Variants in WFDC2 observed in about 807,000 individuals in gnomAD.
The protein encoded by WFDC2 is WAP four-disulfide core domain protein 2.
Under a neutral mutation model 12.5 loss-of-function variants are expected in WFDC2, and 8 were observed. The ratio of observed to expected loss-of-function variants is 0.64; its 90% confidence interval spans 0.37 to 1.15. The LOEUF (loss-of-function observed/expected upper bound fraction) is 1.15. Ranked by LOEUF, WFDC2 falls within the 50% of genes most tolerant of loss-of-function variation. The probability of loss-of-function intolerance (pLI) is 0.01; values close to 1 mark genes in which losing one functional copy is unlikely to be tolerated. For synonymous variants in WFDC2, 74 were observed against 67.2 expected, an observed-to-expected ratio of 1.10 and a Z score of -0.49; for missense variants, 166 against 159.9, an observed-to-expected ratio of 1.04 and a Z score of -0.21.
intron 1 of WFDC2, 125 bp downstream of exon 1, chr20:45,469,985 G>C: frequency 8.1e-7 from 1 of 1,237,494 alleles, no homozygotes. Flanking sequence ...GAAGTGGCGG[G>C]GACCCTTGGA....
chr20:45,473,697 T>C (rs2145503087), intron 2 of WFDC2, among the ~76,000 whole-genome samples: 1 of 152,348 alleles, frequency 6.6e-6, no homozygotes, highest in African/African-American at 2.4e-5. Context: ...AAATTTAAAG[T>C]CGTTTTTTCT....
In WFDC2 at chr20:45,479,683, A is replaced by C. The variant is rs141699144; in HGVS notation, c.224-259A>C. The C allele has an allele frequency of 7.6e-4, 1,223 of 1,613,972 alleles. 15 individuals are homozygous for C. In the East Asian group the frequency reaches 0.021, roughly 28 times the overall value. On this transcript the variant is annotated intron_variant, in intron 2 of 3. Transcript: ENST00000372676. ...CCTAAAGACACGGAGGCTCTGGGAGATTTCTGGCCCTAGGCCACGAAGGCC... is the reference window on the plus strand; with the variant it reads ...CCTAAAGACACGGAGGCTCTGGGAGCTTTCTGGCCCTAGGCCACGAAGGCC...
intron 2 of WFDC2, among the ~76,000 whole-genome samples, chr20:45,474,799 G>C (rs970597980): frequency 6.6e-6 from 1 of 152,134 alleles, no homozygotes; most frequent in Admixed American, 6.5e-5. Context: ...CTGTGAATCT[G>C]TCTGGTCCCA....
chr20:45,479,510 G>T, intron 2 of WFDC2: 4 of 660,760 alleles, frequency 6.1e-6, no homozygotes, highest in Non-Finnish European at 1.1e-5. Flanking sequence ...CTTGATACCT[G>T]GCATGTAATA....
chr20:45,474,131 C>T (rs1464021195), intron 2 of WFDC2, among the ~76,000 whole-genome samples: 1 of 152,154 alleles, frequency 6.6e-6, no homozygotes, highest in Non-Finnish European at 1.5e-5. Flanking sequence ...CAAACAGGGA[C>T]AATTTGACTT....
intron 2 of WFDC2, among the ~76,000 whole-genome samples, chr20:45,474,330 CT>C (rs1298054443): frequency 6.6e-6 from 1 of 152,124 alleles, no homozygotes; most frequent in Non-Finnish European, 1.5e-5. Flanking sequence ...ATAAATAGCT[CT>C]TGTTACTTTG....
chr20:45,479,809 A>C lies in WFDC2; in HGVS notation c.224-133A>C, dbSNP rs1991278234. 1.9e-6 allele frequency: 3 copies of C among 1,613,192 alleles called. No individual in the cohort carries two copies. The African/African-American group carries it at 4.0e-5, about 22-fold the overall frequency. On this transcript the variant is annotated intron_variant, in intron 2 of 3. Coordinates refer to ENST00000372676, the MANE Select transcript of WFDC2 (RefSeq NM_006103.4). ...CCTCCTGAGAGCAGCTCAGGTGCCC[A>C]AGATGGACTCAGGCAGGCAGCTCTG...
At chr20:45,479,317 A>G (rs1991271574) in intron 2 of WFDC2, 1 of 364,216 alleles carries the variant, frequency 2.7e-6, no homozygotes, top group South Asian at 2.8e-5. Flanking sequence ...CAGTTAACAC[A>G]TAGACTCTGC....
At chr20:45,480,194 G>A in intron 3 of WFDC2, 100 bp downstream of exon 3, 1 of 1,534,640 alleles carries the variant, frequency 6.5e-7, no homozygotes, top group East Asian at 2.3e-5. Context: ...TAGTTGCAGG[G>A]ACAGTTGGGA....
At position 45,480,006 on chromosome 20, in the gene WFDC2, G is replaced by T. The variant is rs754700830; in HGVS notation, c.288G>T (p.Gln96His). The T allele has an allele frequency of 6.2e-7, 1 of 1,614,118 alleles. No homozygotes were observed. The highest frequency in any genetic ancestry group is 8.5e-7 in the Non-Finnish European group (1 of 1,180,054). Residue 96 changes from glutamine to histidine, a missense_variant, in exon 3 of 4, where the codon CAG (glutamine) becomes CAT (histidine). Coordinates refer to ENST00000372676, the MANE Select transcript of WFDC2 (RefSeq NM_006103.4). ...CCCAGCTCGGCCTCTGTCGGGACCAGTGCCAGGTGGACAGCCAGTGTCCTG... is the reference window on the plus strand; with the variant it reads ...CCCAGCTCGGCCTCTGTCGGGACCATTGCCAGGTGGACAGCCAGTGTCCTG... The part of the protein sequence containing the change: ...NFPQLGLCRD[Q>H]CQVDSQCPGQ...
At position 45,477,567 on chromosome 20, in the gene WFDC2, C is replaced by T. The variant is rs372295853; in HGVS notation, c.224-2375C>T. Among the ~76,000 whole-genome samples the T allele has an allele frequency of 1.4e-4, 21 of 152,348 alleles. No homozygotes were observed. The East Asian group carries it at 2.1e-3, about 15-fold the overall frequency. On this transcript the variant is annotated intron_variant, in intron 2 of 3. Coordinates refer to ENST00000372676, the MANE Select transcript of WFDC2 (RefSeq NM_006103.4). ...AGAAGCTTTGTCCCAGAGGGGCACCCGCCAGATGCCAGCCAGAGCTCTCCT... is the reference window on the plus strand; with the variant it reads ...AGAAGCTTTGTCCCAGAGGGGCACCTGCCAGATGCCAGCCAGAGCTCTCCT...
chr20:45,474,849 T>A (rs1980499173), intron 2 of WFDC2, among the ~76,000 whole-genome samples: 1 of 152,220 alleles, frequency 6.6e-6, no homozygotes, highest in Non-Finnish European at 1.5e-5. Flanking sequence ...ACTGCCTCAA[T>A]TTTGGAACTT....
chr20:45,473,856 C>T (rs1276472814), intron 2 of WFDC2, among the ~76,000 whole-genome samples: 3 of 152,154 alleles, frequency 2.0e-5, no homozygotes, highest in African/African-American at 7.2e-5. Context: ...TCTCTTATTT[C>T]GTTGAGCAGT....
intron 2 of WFDC2, among the ~76,000 whole-genome samples, chr20:45,475,461 G>C (rs1991221732): frequency 1.3e-5 from 2 of 152,178 alleles, no homozygotes; most frequent in African/African-American, 4.8e-5. Flanking sequence ...GGAGCAGGTT[G>C]TTCAGTTTCC....
chr20:45,475,165 T>C (rs987147853), intron 2 of WFDC2, among the ~76,000 whole-genome samples: 3 of 152,316 alleles, frequency 2.0e-5, no homozygotes, highest in African/African-American at 7.2e-5. Context: ...GGGTTTTTCA[T>C]GTCTCTATCT....
intron 3 of WFDC2, among the ~76,000 whole-genome samples, chr20:45,480,605 G>A (rs1359842417): frequency 3.3e-5 from 5 of 152,120 alleles, no homozygotes; most frequent in East Asian, 1.9e-4. Context: ...CAACAAGAGC[G>A]AAACTCCATC....
chr20:45,470,597 G>A lies in WFDC2; in HGVS notation c.223+65G>A. ...CGCTGGGCTGGGAGGAGGTGGGAGG[G>A]CCCGGGTTCCGGGAACAGGGGCGCC... On this transcript the variant is annotated intron_variant, in intron 2 of 3. Coordinates refer to ENST00000372676, the MANE Select transcript of WFDC2 (RefSeq NM_006103.4). The surrounding 1 kb of genome is among the most constrained non-coding windows in gnomAD (Gnocchi z 5.4). The A allele has an allele frequency of 6.7e-7, 1 of 1,489,138 alleles. No homozygotes were observed. The highest frequency in any genetic ancestry group is 8.9e-7 in the Non-Finnish European group (1 of 1,117,422). 92.2% of individuals were successfully genotyped at this position (1,489,138 alleles called of 1,614,324 possible).
At chr20:45,472,194 G>A (rs1227016291) in intron 2 of WFDC2, among the ~76,000 whole-genome samples, 1 of 152,050 alleles carries the variant, frequency 6.6e-6, no homozygotes, top group African/African-American at 2.4e-5. Flanking sequence ...AGGTATACAT[G>A]TGCCATGGTG....
intron 2 of WFDC2, among the ~76,000 whole-genome samples, chr20:45,478,711 T>A (rs562743944): frequency 3.9e-5 from 6 of 152,170 alleles, no homozygotes; most frequent in Non-Finnish European, 8.8e-5. Context: ...CTACAACCTC[T>A]GTCTCCCAGG....
Sources: allele counts gnomAD v4.1 joint callset (sites outside exome capture counted in the v4.1 genomes callset), GRCh38; gene constraint gnomAD v4.1.1; non-coding constraint Gnocchi (gnomAD v3.1); transcripts MANE v1.5; gene names NCBI Gene and HGNC (gene_info 2026-07-23, HGNC 2026-07-21).